Variants in BACH2 observed in about 807,000 individuals in gnomAD.
BACH2 encodes BACH transcriptional regulator 2.
In BACH2, 5 loss-of-function variants were observed where a neutral mutation model predicts 61.8. That is an observed-to-expected ratio of 0.08 (90% CI 0.04 to 0.17). The LOEUF (loss-of-function observed/expected upper bound fraction) is 0.17. BACH2 is among the 10% of genes least tolerant of loss of function. The pLI is 1.00. For missense variants in BACH2, 824 were observed against 1,091.1 expected, an observed-to-expected ratio of 0.76 and a Z score of 3.45; for synonymous variants, 446 against 440.1, an observed-to-expected ratio of 1.01 and a Z score of -0.17.
intron 5 of BACH2, among the ~76,000 whole-genome samples, chr6:90,066,679 C>T (rs543651251): frequency 6.6e-6 from 1 of 152,160 alleles, no homozygotes; most frequent in Non-Finnish European, 1.5e-5. Context: ...TTACTGAGTA[C>T]AAGGTATTAT....
At chr6:90,013,395 G>T (rs1777829240) in intron 5 of BACH2, among the ~76,000 whole-genome samples, 1 of 152,042 alleles carries the variant, frequency 6.6e-6, no homozygotes, top group Admixed American at 6.5e-5. Context: ...GTTAGCTATA[G>T]ATGCTTCATA....
intron 3 of BACH2, among the ~76,000 whole-genome samples, chr6:90,245,213 G>C (rs1011452129): frequency 2.0e-5 from 3 of 151,572 alleles, no homozygotes; most frequent in African/African-American, 7.3e-5. Context: ...AAAAAAAAAG[G>C]CTTTAGTACT....
chr6:90,142,493 T>C (rs1333327100), intron 4 of BACH2, among the ~76,000 whole-genome samples: 3 of 152,184 alleles, frequency 2.0e-5, no homozygotes, highest in Non-Finnish European at 4.4e-5. Context: ...TCAAGCTGAT[T>C]GAGGTGATTT....
intron 2 of BACH2, among the ~76,000 whole-genome samples, chr6:90,253,716 A>C (rs1237378666): frequency 6.6e-6 from 1 of 152,230 alleles, no homozygotes; most frequent in Non-Finnish European, 1.5e-5. Context: ...AAGCATTTTT[A>C]ATATACCTCG....
intron 4 of BACH2, among the ~76,000 whole-genome samples, chr6:90,152,911 C>CT (rs1784880792): frequency 6.6e-6 from 1 of 152,128 alleles, no homozygotes; most frequent in African/African-American, 2.4e-5. Context: ...TGATTAGCTG[C>CT]TTTTGGCATC....
At chr6:90,100,732 C>CACACACACAG (rs1183660056) in intron 4 of BACH2, among the ~76,000 whole-genome samples, 4 of 151,384 alleles carry the variant, frequency 2.6e-5, no homozygotes, top group African/African-American at 4.9e-5. Flanking sequence ...CACACAGACA[C>CACACACACAG]ACACACACAC....
intron 4 of BACH2, among the ~76,000 whole-genome samples, chr6:90,108,946 GAATC>G (rs1306965919): frequency 6.6e-6 from 1 of 152,080 alleles, no homozygotes; most frequent in African/African-American, 2.4e-5. Flanking sequence ...CTCACTTAGA[GAATC>G]TGTTTCTGAA....
At chr6:90,270,079 G>A (rs1337781900) in intron 2 of BACH2, among the ~76,000 whole-genome samples, 1 of 152,134 alleles carries the variant, frequency 6.6e-6, no homozygotes, top group Non-Finnish European at 1.5e-5. Context: ...TTTTATGGCT[G>A]AGTAGTATTT....
chr6:90,172,669 G>A (rs1335178878), intron 4 of BACH2, among the ~76,000 whole-genome samples: 1 of 152,004 alleles, frequency 6.6e-6, no homozygotes, highest in Non-Finnish European at 1.5e-5. Context: ...CATAAATAAA[G>A]CATGAATAGA....
chr6:90,295,201 G>A (rs2127895879), intron 1 of BACH2, among the ~76,000 whole-genome samples: 1 of 152,270 alleles, frequency 6.6e-6, no homozygotes, highest in South Asian at 2.1e-4. Context: ...CGGGAGAGCA[G>A]GCTGCGAGGC....
intron 6 of BACH2, among the ~76,000 whole-genome samples, chr6:89,964,972 G>A (rs566171937): frequency 3.3e-5 from 5 of 152,124 alleles, no homozygotes; most frequent in Middle Eastern, 3.4e-3. Context: ...TGCAGCCTCC[G>A]CCTCCAGGTT....
intron 1 of BACH2, among the ~76,000 whole-genome samples, chr6:90,272,297 G>T (rs1473204323): frequency 6.6e-6 from 1 of 150,716 alleles, no homozygotes; most frequent in Non-Finnish European, 1.5e-5. Flanking sequence ...TCTCTCTCCT[G>T]CTTCGCCTGT....
At chr6:90,133,919 G>A (rs960398470) in intron 4 of BACH2, among the ~76,000 whole-genome samples, 5 of 152,130 alleles carry the variant, frequency 3.3e-5, no homozygotes, top group East Asian at 1.9e-4. Flanking sequence ...TATGTGCCAC[G>A]TTTTCTTAAT....
At chr6:90,230,619 CTTTCT>C (rs750158930) in intron 3 of BACH2, among the ~76,000 whole-genome samples, 10 of 152,140 alleles carry the variant, frequency 6.6e-5, no homozygotes, top group Non-Finnish European at 1.2e-4. Context: ...CATTTTTTCT[CTTTCT>C]TTTAATTATT....
chr6:90,198,030 A>C (rs1486367135), intron 4 of BACH2, among the ~76,000 whole-genome samples: 1 of 152,246 alleles, frequency 6.6e-6, no homozygotes, highest in Non-Finnish European at 1.5e-5. Context: ...CATCTAGTCC[A>C]GCATGACTCA....
chr6:90,126,204 T>C (rs908469708), intron 4 of BACH2, among the ~76,000 whole-genome samples: 6 of 152,238 alleles, frequency 3.9e-5, no homozygotes, highest in Non-Finnish European at 8.8e-5. Flanking sequence ...AGGTTCTATG[T>C]AAACACACAA....
intron 2 of BACH2, among the ~76,000 whole-genome samples, chr6:90,266,802 G>A (rs1277873987): frequency 6.6e-6 from 1 of 152,152 alleles, no homozygotes; most frequent in Non-Finnish European, 1.5e-5. Flanking sequence ...TTCCTTTGGG[G>A]TGAGGAAAAT....
chr6:90,014,359 G>A (rs188652034), intron 5 of BACH2, among the ~76,000 whole-genome samples: 54 of 141,284 alleles, frequency 3.8e-4, no homozygotes, highest in African/African-American at 1.3e-3. Context: ...AGACTTCTGA[G>A]CTGGGATAGT....
At chr6:90,150,935 C>A (rs993389792) in intron 4 of BACH2, among the ~76,000 whole-genome samples, 7 of 152,130 alleles carry the variant, frequency 4.6e-5, no homozygotes, top group Non-Finnish European at 1.0e-4. Context: ...TTCATGGCCA[C>A]CACAGTCACT....
Sources: allele counts gnomAD v4.1 joint callset (sites outside exome capture counted in the v4.1 genomes callset), GRCh38; gene constraint gnomAD v4.1.1; transcripts MANE v1.5; gene names NCBI Gene and HGNC (gene_info 2026-07-23, HGNC 2026-07-21).